The following TBC1D12 variants were observed in gnomAD, a reference collection of about 807,000 sequenced individuals.
The protein encoded by TBC1D12 is TBC1 domain family, member 12.
A neutral mutation model predicts 86.7 loss-of-function variants in TBC1D12; 56 were observed. The ratio of observed to expected loss-of-function variants is 0.65; its 90% CI spans 0.52 to 0.81. TBC1D12 has a LOEUF of 0.81. TBC1D12 is among the 30% of genes least tolerant of loss of function. The pLI is 0.00. For synonymous variants in TBC1D12, 421 were observed against 411.7 expected (o/e 1.02, Z -0.27); for missense variants, 1,023 against 1,038.8 (o/e 0.98, Z 0.21).
chr10:94,418,679 C>G (rs968096880), intron 1 of TBC1D12, among the ~76,000 whole-genome samples: 13 of 151,914 alleles, frequency 8.6e-5, no homozygotes, highest in African/African-American at 3.1e-4. Flanking sequence ...TCAAGTGATT[C>G]TCCTGCCTCA....
Position 94,444,733 on chromosome 10 carries a change from C to CT in TBC1D12, c.1095+2730dup, listed in dbSNP as rs528326665. On this transcript the variant is annotated intron_variant, in intron 2 of 12. Coordinates refer to ENST00000225235, the MANE Select transcript of TBC1D12 (RefSeq NM_015188.2). ...TCGGAAAGCCAAGACCTCACATTCTCTTTTTTTTTTTTTTTTGAGACGGAG... is the reference window on the plus strand; with the variant it reads ...TCGGAAAGCCAAGACCTCACATTCTCTTTTTTTTTTTTTTTTTGAGACGGAG... Among the ~76,000 whole-genome samples the CT allele has an allele frequency of 7.9e-3, 1,099 of 138,756 alleles. 4 individuals are homozygous for CT. Among genetic ancestry groups the CT allele is most frequent in the Middle Eastern group, 0.011 (3 of 268 alleles). The allele number at this position is 138,756 out of a possible 152,430, so 91.0% of individuals were successfully genotyped here. A position where few individuals can be genotyped will look rare whatever the true frequency, so the allele number is the denominator to read the frequency against.
chr10:94,424,630 AAAG>A (rs1303406062), intron 1 of TBC1D12, among the ~76,000 whole-genome samples: 1 of 152,210 alleles, frequency 6.6e-6, no homozygotes, highest in Non-Finnish European at 1.5e-5. Context: ...CTTTGAAAAT[AAAG>A]AATAGCCCTT....
At chr10:94,483,735 T>A (rs2056114965) in intron 3 of TBC1D12, among the ~76,000 whole-genome samples, 1 of 152,148 alleles carries the variant, frequency 6.6e-6, no homozygotes, top group African/African-American at 2.4e-5. Context: ...TGTTTTTGTT[T>A]TTTTTTGTTT....
intron 1 of TBC1D12, among the ~76,000 whole-genome samples, chr10:94,439,561 A>T (rs913675503): frequency 1.7e-4 from 26 of 152,312 alleles, no homozygotes; most frequent in Non-Finnish European, 2.8e-4. Context: ...GAGGGGCTGC[A>T]GTCTGGGCAT....
At chr10:94,437,605 C>T (rs779532413) in intron 1 of TBC1D12, among the ~76,000 whole-genome samples, 36 of 152,204 alleles carry the variant, frequency 2.4e-4, no homozygotes, top group South Asian at 1.0e-3. Context: ...TATTTCTTCA[C>T]GTATTTTTTC....
intron 1 of TBC1D12, among the ~76,000 whole-genome samples, chr10:94,404,008 G>A (rs1328355086): frequency 6.6e-6 from 1 of 152,108 alleles, no homozygotes; most frequent in Non-Finnish European, 1.5e-5. Flanking sequence ...GAGGGGAGGC[G>A]GTATGTGTGT....
At chr10:94,450,656 A>G (rs1589624211) in intron 2 of TBC1D12, among the ~76,000 whole-genome samples, 1 of 152,138 alleles carries the variant, frequency 6.6e-6, no homozygotes, top group African/African-American at 2.4e-5. Flanking sequence ...CAATCCCGCT[A>G]CTGGACATTT....
chr10:94,457,974 C>T (rs908834835), intron 2 of TBC1D12, among the ~76,000 whole-genome samples: 15 of 151,992 alleles, frequency 9.9e-5, no homozygotes, highest in South Asian at 2.1e-4. Context: ...TACTGCCATT[C>T]GTTTTACTCA....
chr10:94,487,778 C>T (rs1033723873), intron 3 of TBC1D12, among the ~76,000 whole-genome samples: 2 of 148,798 alleles, frequency 1.3e-5, no homozygotes, highest in African/African-American at 5.0e-5. Context: ...CTGACTGTGG[C>T]CTCTATCTCC....
chr10:94,431,405 A>G (rs1471597350), intron 1 of TBC1D12, among the ~76,000 whole-genome samples: 1 of 139,010 alleles, frequency 7.2e-6, no homozygotes, highest in Non-Finnish European at 1.6e-5. Flanking sequence ...ATAGAGCAAG[A>G]CTCTTAAAAA....
intron 1 of TBC1D12, among the ~76,000 whole-genome samples, chr10:94,419,046 T>G (rs937727599): frequency 2.0e-5 from 3 of 152,026 alleles, no homozygotes; most frequent in Non-Finnish European, 2.9e-5. Context: ...AGCTATTTTT[T>G]GTATTTTTAG....
At chr10:94,464,631 A>G (rs1250791393) in intron 2 of TBC1D12, among the ~76,000 whole-genome samples, 1 of 152,098 alleles carries the variant, frequency 6.6e-6, no homozygotes, top group East Asian at 1.9e-4. Context: ...ATGTGTGGCT[A>G]ATTTTAAAAT....
chr10:94,518,527 G>A (rs557956562), intron 9 of TBC1D12, among the ~76,000 whole-genome samples: 1 of 152,082 alleles, frequency 6.6e-6, no homozygotes, highest in Admixed American at 6.6e-5. Context: ...AGCTGTTTGC[G>A]GAACGACCCT....
At chr10:94,462,619 G>A (rs1344298383) in intron 2 of TBC1D12, among the ~76,000 whole-genome samples, 1 of 152,006 alleles carries the variant, frequency 6.6e-6, no homozygotes, top group Non-Finnish European at 1.5e-5. Context: ...GTTTCTTCTT[G>A]AGTCAGTTTT....
chr10:94,531,260 G>A lies in TBC1D12; in HGVS notation c.2059G>A (p.Val687Ile), dbSNP rs754131203. ...PLDLACRVWD[V>I]FCRDGEEFLF... ...TGATCTGGCCTGTCGAGTCTGGGAT[G>A]TATTTTGCAGAGATGGGGAAGAATT... The change falls in exon 12 of 13, where the codon GTA (valine) becomes ATA (isoleucine). Residue 687 changes from valine (V) to isoleucine (I), a missense_variant. This residue lies in a region of TBC1D12 where 395 missense variants were observed against 507.7 expected (regional missense o/e 0.78). Coordinates refer to ENST00000225235, the MANE Select transcript of TBC1D12 (RefSeq NM_015188.2). 4 of 1,613,900 alleles carry A rather than the reference G, an allele frequency of 2.5e-6. No homozygotes were observed. Among genetic ancestry groups the A allele is most frequent in the African/African-American group, 2.7e-5 (2 of 74,904 alleles).
At chr10:94,430,214 T>C (rs1323295567) in intron 1 of TBC1D12, among the ~76,000 whole-genome samples, 13 of 152,180 alleles carry the variant, frequency 8.5e-5, no homozygotes, top group Admixed American at 7.9e-4. Context: ...TCTATTGAAA[T>C]GATTATTAGA....
chr10:94,492,748 G>A (rs142953235), intron 3 of TBC1D12, among the ~76,000 whole-genome samples: 81 of 152,272 alleles, frequency 5.3e-4, no homozygotes, highest in Non-Finnish European at 9.3e-4. Flanking sequence ...AAAGAATTTT[G>A]TGAGGGGTAC....
At position 94,493,351 on chromosome 10, in the gene TBC1D12, A is replaced by T. The variant is rs764762826; in HGVS notation, c.1212-14A>T. On this transcript the variant is annotated splice_polypyrimidine_tract_variant and intron_variant, in intron 3 of 12. Coordinates refer to ENST00000225235, the MANE Select transcript of TBC1D12 (RefSeq NM_015188.2). ...TTTAAAAATTGTCTTGACTTAAGTA[A>T]TTTTTTTTTCCAGAAATCTTCCTGC... 5.1e-6 allele frequency: 8 copies of T among 1,575,230 alleles called. No homozygotes were observed. The African/African-American group carries it at 1.1e-4, about 21-fold the overall frequency.
intron 2 of TBC1D12, among the ~76,000 whole-genome samples, chr10:94,457,848 T>C (rs2055651695): frequency 6.6e-6 from 1 of 152,110 alleles, no homozygotes; most frequent in Non-Finnish European, 1.5e-5. Context: ...TATGTATTTA[T>C]AGCTAAGCCA....
Sources: allele counts gnomAD v4.1 joint callset (sites outside exome capture counted in the v4.1 genomes callset), GRCh38; gene constraint gnomAD v4.1.1; regional missense constraint gnomAD v4.1.1; transcripts MANE v1.5; gene names NCBI Gene and HGNC (gene_info 2026-07-23, HGNC 2026-07-21).